Variants in MCM7 observed in about 807,000 individuals in gnomAD.
The protein encoded by MCM7 is DNA replication licensing factor MCM7.
Under a neutral mutation model 83.5 loss-of-function variants are expected in MCM7, and 95 were observed. The ratio of observed to expected loss-of-function variants is 1.14; its 90% confidence interval spans 0.96 to 1.35. MCM7 has a LOEUF of 1.35. Ranked by LOEUF, MCM7 falls within the 40% of genes most tolerant of loss-of-function variation. The probability of loss-of-function intolerance (pLI) is 0.00; values close to 1 mark genes in which losing one functional copy is unlikely to be tolerated. For missense variants in MCM7, 1,087 were observed against 957.4 expected, an observed-to-expected ratio of 1.14 and a Z score of -1.79; for synonymous variants, 461 against 352.7, an observed-to-expected ratio of 1.31 and a Z score of -3.44.
chr7:100,101,345 C>G lies in MCM7; in HGVS notation c.-51G>C. 6.2e-7 allele frequency: 1 copy of G among 1,610,840 alleles called. No individual in the cohort carries two copies. Among genetic ancestry groups the G allele is most frequent in the East Asian group, 2.2e-5 (1 of 44,866 alleles). On this transcript the variant is annotated 5_prime_UTR_variant, in exon 1 of 15. Transcript: ENST00000303887. ...CTTGGCGGGCTCAGAGGTCTTGCTCCTGGGGAAGCTGAGAATCTCCGCGCG... is the reference window on the plus strand; with the variant it reads ...CTTGGCGGGCTCAGAGGTCTTGCTCGTGGGGAAGCTGAGAATCTCCGCGCG...
chr7:100,094,170 T>G lies in MCM7; in HGVS notation c.1848+3A>C. 6.2e-7 allele frequency: 1 copy of G among 1,614,122 alleles called. No individual in the cohort carries two copies. ...ATGGCCCTCCAGCAATTTGGGCACT[T>G]ACCAGAGCAGTGGAAAGGCGCAGGA... On this transcript the variant is annotated splice_donor_region_variant and intron_variant, in intron 13 of 14. Coordinates refer to ENST00000303887, the MANE Select transcript of MCM7 (RefSeq NM_005916.5).
In MCM7 at chr7:100,099,383, C is replaced by G; in HGVS notation, c.297G>C (p.Leu99=). 6.3e-7 allele frequency: 1 copy of G among 1,590,376 alleles called. No individual in the cohort carries two copies. Residue 99 remains leucine, a synonymous_variant, in exon 4 of 15, where the codon CTG becomes CTC. Transcript: ENST00000303887. Reference sequence around the variant, plus strand: ...TTAGCCGATGCTCAATGTAAACGTCCAGGACATCTTTATTTACCACCTAAA... The same window carrying G: ...TTAGCCGATGCTCAATGTAAACGTCGAGGACATCTTTATTTACCACCTAAA... ...KEREVVNKDV[L]DVYIEHRLMM... is the part of the protein sequence containing the mutation.
intron 6 of MCM7, 29 bp from the exon 7 acceptor site, chr7:100,098,319 G>A: frequency 6.2e-7 from 1 of 1,611,304 alleles, no homozygotes; most frequent in South Asian, 1.1e-5. Flanking sequence ...CATAAGACTA[G>A]GAGAAATGGA....
At chr7:100,094,410 G>A in intron 12 of MCM7, 69 bp from the exon 13 acceptor site, 1 of 1,575,872 alleles carries the variant, frequency 6.3e-7, no homozygotes, top group Non-Finnish European at 8.7e-7. Flanking sequence ...AGCCCATGTT[G>A]TTTTCTGTAC....
Position 100,098,284 on chromosome 7 carries a change from G to T in MCM7, c.727C>A (p.Gln243Lys). ...QEMKMQEHSD[Q>K]VPVGNIPRSI... ...CGAGGGATATTTCCCACAGGCACCT[G>T]ATCACTCTAGGGGAGGGAAAGGCAC... Residue 243 changes from glutamine to lysine, a missense_variant, in exon 7 of 15, where the codon CAG (glutamine) becomes AAG (lysine). Transcript: ENST00000303887. 1.2e-6 allele frequency: 2 copies of T among 1,613,996 alleles called. No individual in the cohort carries two copies. The highest frequency in any genetic ancestry group is 8.5e-7 in the Non-Finnish European group (1 of 1,179,966).
At position 100,095,376 on chromosome 7, in the gene MCM7, A is replaced by G. The variant is rs1455965223; in HGVS notation, c.1679+11T>C. The G allele has an allele frequency of 6.2e-7, 1 of 1,610,702 alleles. No homozygotes were observed. The highest frequency in any genetic ancestry group is 8.5e-7 in the Non-Finnish European group (1 of 1,178,814). ...CGCCAACGTTTGCCCACCCGCACCC[A>G]GCTCTCCTACCTCATGAGCTTCATG... On this transcript the variant is annotated intron_variant, in intron 12 of 14. Coordinates refer to ENST00000303887, the MANE Select transcript of MCM7 (RefSeq NM_005916.5).
At position 100,097,752 on chromosome 7, in the gene MCM7, A is replaced by G; in HGVS notation, c.986-7T>C. 1 of 1,614,084 alleles carries G rather than the reference A, an allele frequency of 6.2e-7. No homozygotes were observed. The highest frequency in any genetic ancestry group is 8.5e-7 in the Non-Finnish European group (1 of 1,180,030). On this transcript the variant is annotated splice_region_variant and splice_polypyrimidine_tract_variant and intron_variant, in intron 8 of 14. Transcript: ENST00000303887. ...TTTTCGTAGAAATCCTCCTCTGTAG[A>G]GAAGTTAAGGTTGTTTTATTTTCTG...
At chr7:100,097,574 G>T (rs1226926518) in intron 9 of MCM7, 40 bp downstream of exon 9, 3 of 1,611,992 alleles carry the variant, frequency 1.9e-6, no homozygotes, top group South Asian at 2.2e-5. Context: ...CCTCCTAAAT[G>T]ACTTCATCCA....
In MCM7 at chr7:100,094,296, C is replaced by G. The variant is rs764274028; in HGVS notation, c.1725G>C (p.Glu575Asp). ...CTGCTGTGATGTAGTCAGCCAGAGA[C>G]TCTGGCACCATGGGCTGCTTCTCGC... is the stretch of plus-strand genomic sequence containing the variant. Reference protein sequence around the residue: ...MCREKQPMVPESLADYITAAY... With the variant: ...MCREKQPMVPDSLADYITAAY... The change falls in exon 13 of 15, where the codon GAG (glutamate) becomes GAC (aspartate). Residue 575 changes from glutamate (E) to aspartate (D), a missense_variant. Coordinates refer to ENST00000303887, the MANE Select transcript of MCM7 (RefSeq NM_005916.5). The G allele has an allele frequency of 6.2e-7, 1 of 1,614,178 alleles. No individual in the cohort carries two copies.
In MCM7 at chr7:100,095,936, AGT is replaced by A; in HGVS notation, c.1431_1432del (p.Leu478GlnfsTer38). ...AGCCAGGATGGAGCAGCGGGCATTG[AGT>A]GTGGTGAGAATGCCGGCCTTGGCAA... On this transcript the variant is annotated frameshift_variant, in exon 11 of 15. Transcript: ENST00000303887. LOFTEE classifies it high-confidence loss of function. 6.2e-7 allele frequency: 1 copy of A among 1,613,994 alleles called. No individual in the cohort carries two copies. Among genetic ancestry groups the A allele is most frequent in the Non-Finnish European group, 8.5e-7 (1 of 1,179,978 alleles).
chr7:100,095,077 G>C (rs759999027), intron 12 of MCM7, among the ~76,000 whole-genome samples: 25 of 152,214 alleles, frequency 1.6e-4, no homozygotes, highest in Non-Finnish European at 3.2e-4. Flanking sequence ...TACTCAGGAG[G>C]CTGAGGCAGG....
Position 100,098,349 on chromosome 7 carries a change from C to T in MCM7, c.721-59G>A, listed in dbSNP as rs891717447. The T allele has an allele frequency of 5.9e-5, 93 of 1,583,030 alleles. 2 individuals are homozygous for T. In the South Asian group the frequency reaches 9.2e-4, roughly 16 times the overall value. Reference sequence around the variant, plus strand: ...AATGGACAAGGACCCAACCTTCCCTCCCTAGGCATCCCACTCAAAGGCTCC... The same window carrying T: ...AATGGACAAGGACCCAACCTTCCCTTCCTAGGCATCCCACTCAAAGGCTCC... On this transcript the variant is annotated intron_variant, in intron 6 of 14. Transcript: ENST00000303887.
chr7:100,095,542 C>CT (rs1795581193), intron 11 of MCM7, 72 bp from the exon 12 acceptor site: 1 of 1,471,682 alleles, frequency 6.8e-7, no homozygotes, highest in Non-Finnish European at 9.4e-7. Context: ...GGTGTCCCTC[C>CT]TTTGGCTCTG....
At chr7:100,095,268 C>G (rs747618994) in intron 12 of MCM7, 119 bp downstream of exon 12, 3 of 850,352 alleles carry the variant, frequency 3.5e-6, no homozygotes, top group Admixed American at 4.0e-5. Context: ...AGGCTCTGGA[C>G]ATGTCTGTAG....
chr7:100,099,502 G>C (rs1367870956), intron 3 of MCM7, 87 bp downstream of exon 3: 4 of 1,585,980 alleles, frequency 2.5e-6, no homozygotes, highest in Admixed American at 3.6e-5. Context: ...CTTTCTGCCT[G>C]CTCAGAAAAC....
Position 100,095,425 on chromosome 7 carries a change from G to A in MCM7, c.1641C>T (p.Pro547=). The change falls in exon 12 of 15, where the codon CCC becomes CCT. Residue 547 remains proline (P), a synonymous_variant. Coordinates refer to ENST00000303887, the MANE Select transcript of MCM7 (RefSeq NM_005916.5). ...ITYVHQHSRQ[P]PSQFEPLDMK... is the part of the protein sequence containing the mutation. ...TGTCCAGAGGTTCAAACTGGGAGGGGGGCTGCCGGCTGTGCTGGTGCACAT... is the reference window on the plus strand; with the variant it reads ...TGTCCAGAGGTTCAAACTGGGAGGGAGGCTGCCGGCTGTGCTGGTGCACAT... The A allele has an allele frequency of 6.2e-7, 1 of 1,614,030 alleles. No homozygotes were observed. Among genetic ancestry groups the A allele is most frequent in the Non-Finnish European group, 8.5e-7 (1 of 1,180,004 alleles).
At chr7:100,100,250 A>C in intron 1 of MCM7, 157 bp from the exon 2 acceptor site, 1 of 1,410,784 alleles carries the variant, frequency 7.1e-7, no homozygotes, top group Non-Finnish European at 9.2e-7. Context: ...CTTTTTCACA[A>C]GTCTGTTTCT....
intron 9 of MCM7, 39 bp from the exon 10 acceptor site, chr7:100,097,423 C>T: frequency 6.2e-7 from 1 of 1,607,430 alleles, no homozygotes; most frequent in Non-Finnish European, 8.5e-7. Flanking sequence ...GACTCTTCTC[C>T]CAGTGCTTGG....
chr7:100,093,173 C>T (rs779843788), intron 14 of MCM7, 40 bp from the exon 15 acceptor site: 4 of 1,607,554 alleles, frequency 2.5e-6, no homozygotes, highest in East Asian at 2.2e-5. Flanking sequence ...AGGATACAAA[C>T]AGGAATGCTC....
Sources: gnomAD v4.1 joint callset for allele counts (sites outside exome capture counted in the v4.1 genomes callset) on GRCh38, gnomAD v4.1.1 for gene constraint, MANE v1.5 for transcripts, NCBI Gene and HGNC (gene_info 2026-07-23, HGNC 2026-07-21) for gene names.